METTL15: variants seen among roughly 807,000 people sequenced by gnomAD.
The protein encoded by METTL15 is 12S rRNA N(4)-cytidine methyltransferase METTL15.
METTL15 carries 34 observed loss-of-function variants against 38.3 expected under a neutral mutation model. The observed-to-expected ratio is 0.89, with a 90% CI of 0.68 to 1.18. The LOEUF is 1.18. METTL15 is among the 50% of genes most tolerant of loss of function. The pLI, the probability that METTL15 is intolerant of heterozygous loss-of-function variation, is 0.00. For synonymous variants in METTL15, 162 were observed against 170.9 expected, an observed-to-expected ratio of 0.95 and a Z score of 0.41; for missense variants, 438 against 498.4, an observed-to-expected ratio of 0.88 and a Z score of 1.15.
intron 4 of METTL15, among the ~76,000 whole-genome samples, chr11:28,241,583 G>A (rs992914703): frequency 2.8e-4 from 42 of 150,338 alleles, no homozygotes; most frequent in African/African-American, 9.7e-4. Context: ...AAAGGGGATT[G>A]GGAACATGGG....
chr11:28,280,831 G>A (rs554640552), intron 4 of METTL15, among the ~76,000 whole-genome samples: 1 of 151,284 alleles, frequency 6.6e-6, no homozygotes, highest in Non-Finnish European at 1.5e-5. Context: ...ATAATTTTCT[G>A]TTTTCCATTT....
At chr11:28,292,213 C>A (rs1223791907) in intron 5 of METTL15, among the ~76,000 whole-genome samples, 1 of 114,446 alleles carries the variant, frequency 8.7e-6, no homozygotes, top group Non-Finnish European at 1.7e-5. Flanking sequence ...CCCCCCTCCC[C>A]CCACCCCACA....
chr11:28,296,670 C>G, intron 5 of METTL15, 83 bp from the exon 6 acceptor site: 1 of 1,449,194 alleles, frequency 6.9e-7, no homozygotes, highest in Non-Finnish European at 9.6e-7. Flanking sequence ...GTGTGTCTGA[C>G]TTTATGTCTC....
chr11:28,281,358 T>C (rs1856048339), intron 4 of METTL15, among the ~76,000 whole-genome samples: 1 of 152,188 alleles, frequency 6.6e-6, no homozygotes, highest in African/African-American at 2.4e-5. Flanking sequence ...ATTTATCTCC[T>C]GTATCCAATG....
At chr11:28,255,427 A>C (rs1309509264) in intron 4 of METTL15, among the ~76,000 whole-genome samples, 2 of 152,062 alleles carry the variant, frequency 1.3e-5, no homozygotes, top group African/African-American at 4.8e-5. Context: ...TCTAATTTGG[A>C]TGCTCTTTGT....
intron 3 of METTL15, among the ~76,000 whole-genome samples, chr11:28,129,530 C>T (rs1362302122): frequency 6.6e-6 from 1 of 151,878 alleles, no homozygotes; most frequent in Non-Finnish European, 1.5e-5. Context: ...CCTCCTTAGT[C>T]TCCTGAGTAG....
chr11:28,370,213 C>G (rs1268506174), intron 5 of METTL15, among the ~76,000 whole-genome samples: 1 of 151,990 alleles, frequency 6.6e-6, no homozygotes, highest in African/African-American at 2.4e-5. Context: ...CTTCATCCCC[C>G]CATCTCCCCT....
At chr11:28,212,631 C>T (rs1037474121) in intron 4 of METTL15, among the ~76,000 whole-genome samples, 45 of 152,086 alleles carry the variant, frequency 3.0e-4, no homozygotes, top group African/African-American at 1.1e-3. Context: ...AAGTTTCTTA[C>T]CTAATACAAA....
intron 6 of METTL15, among the ~76,000 whole-genome samples, chr11:28,507,043 G>A (rs1851634059): frequency 6.6e-6 from 1 of 152,084 alleles, no homozygotes; most frequent in Non-Finnish European, 1.5e-5. Context: ...ACTGGGCCTG[G>A]CCCTCAGTCT....
Position 28,110,241 on chromosome 11 carries a change from C to CG in METTL15, c.-176dup, listed in dbSNP as rs1851660395. The stretch of plus-strand genomic sequence containing the variant: ...TGGAAACAGCGGAACCAAAGGCAGA[C>CG]GGTCCTCAGTTGCTTGGGCGGACGT... On this transcript the variant is annotated 5_prime_UTR_variant, in exon 2 of 7. Transcript: ENST00000407364. The CG allele has an allele frequency of 6.6e-6, 1 of 152,216 alleles. No individual in the cohort carries two copies. 9.4% of individuals were successfully genotyped at this position (152,216 alleles called of 1,614,324 possible).
intron 3 of METTL15, among the ~76,000 whole-genome samples, chr11:28,172,032 C>G (rs1017138370): frequency 6.6e-6 from 1 of 152,016 alleles, no homozygotes; most frequent in Admixed American, 6.6e-5. Flanking sequence ...AACTTTTGGG[C>G]TCAAGCAGTT....
chr11:28,175,911 A>G (rs546733042), intron 3 of METTL15, among the ~76,000 whole-genome samples: 16 of 139,380 alleles, frequency 1.1e-4, no homozygotes, highest in African/African-American at 4.4e-4. Context: ...AAATGTGCAA[A>G]TATATATATA....
intron 6 of METTL15, among the ~76,000 whole-genome samples, chr11:28,493,031 TC>T (rs1354594594): frequency 6.6e-6 from 1 of 152,166 alleles, no homozygotes; most frequent in Non-Finnish European, 1.5e-5. Context: ...TTCTGGAGTC[TC>T]TGTTGTAAAC....
intron 5 of METTL15, among the ~76,000 whole-genome samples, chr11:28,393,880 G>A (rs149024651): frequency 5.8e-4 from 89 of 152,190 alleles, no homozygotes; most frequent in African/African-American, 2.0e-3. Context: ...GAACTTAGGT[G>A]TTATGCCTCT....
At chr11:28,152,017 G>T (rs1383961928) in intron 3 of METTL15, among the ~76,000 whole-genome samples, 3 of 151,860 alleles carry the variant, frequency 2.0e-5, no homozygotes, top group African/African-American at 7.3e-5. Flanking sequence ...TGAGTGCCTG[G>T]TTTATTTATA....
At chr11:28,243,416 CTA>C (rs965666994) in intron 4 of METTL15, among the ~76,000 whole-genome samples, 62 of 152,122 alleles carry the variant, frequency 4.1e-4, no homozygotes, top group African/African-American at 1.3e-3. Context: ...AAACAAAAAA[CTA>C]TGTTTTTACT....
At chr11:28,184,266 C>G (rs1415256090) in intron 3 of METTL15, among the ~76,000 whole-genome samples, 1 of 151,924 alleles carries the variant, frequency 6.6e-6, no homozygotes, top group African/African-American at 2.4e-5. Context: ...TCCTTCAGTT[C>G]TGCTCTGATC....
At chr11:28,312,495 C>G (rs1857339388) in intron 6 of METTL15, among the ~76,000 whole-genome samples, 1 of 152,126 alleles carries the variant, frequency 6.6e-6, no homozygotes, top group Admixed American at 6.6e-5. Flanking sequence ...TCTGTATACT[C>G]CTTTGATGAA....
At chr11:28,248,570 A>C (rs962342386) in intron 4 of METTL15, among the ~76,000 whole-genome samples, 1 of 152,112 alleles carries the variant, frequency 6.6e-6, no homozygotes, top group Non-Finnish European at 1.5e-5. Flanking sequence ...AAGTAAAAAT[A>C]TAACATCCAT....
Sources: allele counts gnomAD v4.1 joint callset (sites outside exome capture counted in the v4.1 genomes callset), GRCh38; gene constraint gnomAD v4.1.1; transcripts MANE v1.5; gene names NCBI Gene and HGNC (gene_info 2026-07-23, HGNC 2026-07-21).